Variants in IQSEC1 observed in about 807,000 individuals in gnomAD.
IQSEC1 encodes the protein IQ motif and SEC7 domain-containing protein 1.
IQSEC1 carries 31 observed loss-of-function variants against 91.0 expected under a neutral mutation model. The ratio of observed to expected loss-of-function variants is 0.34; its 90% CI spans 0.26 to 0.46. IQSEC1 has a LOEUF of 0.46. Among genes scored for constraint, IQSEC1 ranks in the 20% least tolerant of loss-of-function variants. The pLI is 1.00. For missense variants in IQSEC1, 1,388 were observed against 1,575.6 expected, an observed-to-expected ratio of 0.88 and a Z score of 2.02; for synonymous variants, 699 against 662.6, an observed-to-expected ratio of 1.05 and a Z score of -0.84.
chr3:13,002,938 A>G (rs901300650), intron 1 of IQSEC1, among the ~76,000 whole-genome samples: 1 of 152,246 alleles, frequency 6.6e-6, no homozygotes, highest in African/African-American at 2.4e-5. Context: ...AAAGTTAAAC[A>G]GAGAGTTACT....
At chr3:13,260,747 C>G (rs1695368523) in intron 1 of IQSEC1, among the ~76,000 whole-genome samples, 1 of 149,776 alleles carries the variant, frequency 6.7e-6, no homozygotes. Flanking sequence ...CTCCACAGTC[C>G]TCCTGGCAGG....
chr3:12,983,529 A>G lies in IQSEC1; in HGVS notation c.24-41664T>C, dbSNP rs1701572049. Reference sequence around the variant, plus strand: ...CTGCAGCCTGGCCTTCCTAGCCCCGAGACAGAGCGGCCAGGATGAAGTGAT... The same window carrying G: ...CTGCAGCCTGGCCTTCCTAGCCCCGGGACAGAGCGGCCAGGATGAAGTGAT... On this transcript the variant is annotated intron_variant, in intron 1 of 13. Transcript: ENST00000613206. This position sits in a 1 kb window ranked among gnomAD's most constrained non-coding sequence, Gnocchi z 4.3. Among the ~76,000 whole-genome samples, 1 of 152,104 alleles carries G rather than the reference A, an allele frequency of 6.6e-6. No homozygotes were observed. Among genetic ancestry groups the G allele is most frequent in the African/African-American group, 2.4e-5 (1 of 41,410 alleles).
intron 1 of IQSEC1, among the ~76,000 whole-genome samples, chr3:13,229,036 T>C (rs758967511): frequency 6.6e-6 from 1 of 152,100 alleles, no homozygotes; most frequent in Non-Finnish European, 1.5e-5. Flanking sequence ...CAGTATAGAT[T>C]ATGGAATAAA....
intron 1 of IQSEC1, among the ~76,000 whole-genome samples, chr3:13,060,503 C>T (rs1460042614): frequency 2.0e-5 from 3 of 152,204 alleles, no homozygotes; most frequent in African/African-American, 7.2e-5. Context: ...CATGCCCTGG[C>T]TTTCCACCGA....
At chr3:13,126,115 A>G (rs1576261776) in intron 2 of IQSEC1, among the ~76,000 whole-genome samples, 2 of 152,236 alleles carry the variant, frequency 1.3e-5, no homozygotes, top group South Asian at 2.1e-4. Flanking sequence ...AAAGTGTACA[A>G]TTTAATAAGC....
intron 2 of IQSEC1, among the ~76,000 whole-genome samples, chr3:13,114,004 C>T (rs533488228): frequency 2.0e-4 from 31 of 152,330 alleles, no homozygotes; most frequent in South Asian, 1.2e-3. Flanking sequence ...ACTCTGTTCA[C>T]GAGAAAAGAA....
Position 13,187,101 on chromosome 3 carries a change from T to A in IQSEC1, c.273-22968A>T, listed in dbSNP as rs975117339. On this transcript the variant is annotated intron_variant, in intron 1 of 15. Coordinates refer to the IQSEC1 transcript ENST00000648114. ...TGCCCATCCATCCTTCTGCCCACTA[T>A]GCATGTATCCACCCATCCACCCACA... Among the ~76,000 whole-genome samples the A allele has an allele frequency of 3.6e-4, 55 of 152,282 alleles. 1 individual carries two copies. Among genetic ancestry groups the A allele is most frequent in the African/African-American group, 1.2e-3 (49 of 41,552 alleles).
chr3:12,960,099 G>A lies in IQSEC1; in HGVS notation c.24-18234C>T, dbSNP rs565563138. Among the ~76,000 whole-genome samples, 19 of 152,282 alleles carry A rather than the reference G, an allele frequency of 1.2e-4. No homozygotes were observed. In the East Asian group the frequency reaches 3.5e-3, roughly 28 times the overall value. On this transcript the variant is annotated intron_variant, in intron 1 of 13. Coordinates refer to ENST00000613206, the MANE Select transcript of IQSEC1 (RefSeq NM_001134382.3). Reference sequence around the variant, plus strand: ...CTCACCCCATGGAAATAGCGGCACTGCAATGGTATAACGATGACGGCTGGA... The same window carrying A: ...CTCACCCCATGGAAATAGCGGCACTACAATGGTATAACGATGACGGCTGGA...
chr3:13,154,479 A>ACACAT (rs1232431148), intron 2 of IQSEC1, among the ~76,000 whole-genome samples: 2 of 131,692 alleles, frequency 1.5e-5, no homozygotes, highest in Non-Finnish European at 3.2e-5. Context: ...ATATATATGC[A>ACACAT]AAAACTGATA....
intron 1 of IQSEC1, among the ~76,000 whole-genome samples, chr3:12,981,673 A>C (rs1026246962): frequency 6.6e-6 from 1 of 152,250 alleles, no homozygotes. Flanking sequence ...AGAATTGTGA[A>C]GTATGATTGT....
intron 1 of IQSEC1, among the ~76,000 whole-genome samples, chr3:13,015,039 T>C (rs1164876429): frequency 6.6e-6 from 1 of 152,128 alleles, no homozygotes; most frequent in Non-Finnish European, 1.5e-5. Flanking sequence ...GCTCAAAGTT[T>C]ATGCACCATA....
chr3:12,975,979 G>A (rs1358759034), intron 1 of IQSEC1, among the ~76,000 whole-genome samples: 3 of 152,256 alleles, frequency 2.0e-5, no homozygotes, highest in Non-Finnish European at 2.9e-5. Context: ...CTCCTGGCTC[G>A]GCTCCCTTCT....
Position 12,908,539 on chromosome 3 carries a change from G to T in IQSEC1, c.2579-14C>A. ...TCTCGAGCTCCGCTGGAACAGAGAG[G>T]GTGAGGGTCCTGGTGAGAGGAGCAC... On this transcript the variant is annotated splice_polypyrimidine_tract_variant and intron_variant, in intron 11 of 13. Coordinates refer to ENST00000613206, the MANE Select transcript of IQSEC1 (RefSeq NM_001134382.3). This position sits in a 1 kb window ranked among gnomAD's most constrained non-coding sequence, Gnocchi z 4.9. The T allele has an allele frequency of 4.3e-6, 7 of 1,613,436 alleles. No homozygotes were observed. The highest frequency in any genetic ancestry group is 5.9e-6 in the Non-Finnish European group (7 of 1,180,002).
chr3:12,908,861 G>A lies in IQSEC1; in HGVS notation c.2579-336C>T, dbSNP rs760202030. On this transcript the variant is annotated intron_variant, in intron 11 of 13. Transcript: ENST00000613206. This position sits in a 1 kb window ranked among gnomAD's most constrained non-coding sequence, Gnocchi z 4.9. ...CTTCCACAGAGAGGGCAGTGGTAGG[G>A]AGTCCCATGTGCCTCCAAGGAGTAG... Among the ~76,000 whole-genome samples the A allele has an allele frequency of 5.9e-5, 9 of 151,946 alleles. No homozygotes were observed. Among genetic ancestry groups the A allele is most frequent in the Non-Finnish European group, 8.8e-5 (6 of 67,964 alleles).
At chr3:13,089,978 G>A (rs1419098031) in intron 2 of IQSEC1, among the ~76,000 whole-genome samples, 2 of 152,220 alleles carry the variant, frequency 1.3e-5, no homozygotes. Flanking sequence ...CACTTTGGGA[G>A]GCCAAGGCGG....
rs1479983498 is a variant in IQSEC1, at chr3:12,899,725, C to T, written c.*1258G>A. The stretch of plus-strand genomic sequence containing the variant: ...CAGAAAACAAAACGGGAAACACACA[C>T]ACCGCCCTGGGTTGCTAAACGCTAA... On this transcript the variant is annotated 3_prime_UTR_variant, in exon 14 of 14. Coordinates refer to ENST00000613206, the MANE Select transcript of IQSEC1 (RefSeq NM_001134382.3). 1.0e-6 allele frequency: 1 copy of T among 985,316 alleles called. No homozygotes were observed. The highest frequency in any genetic ancestry group is 1.2e-6 in the Non-Finnish European group (1 of 829,946). 61.0% of individuals were successfully genotyped at this position (985,316 alleles called of 1,614,324 possible). A position where few individuals can be genotyped will look rare whatever the true frequency, so the allele number is the denominator to read the frequency against.
chr3:13,042,686 TTG>T (rs1704327479), intron 1 of IQSEC1, among the ~76,000 whole-genome samples: 2 of 151,864 alleles, frequency 1.3e-5, no homozygotes, highest in South Asian at 4.1e-4. Context: ...CTGTATCAAG[TTG>T]TGGGGGCCCC....
chr3:12,900,646 G>C lies in IQSEC1; in HGVS notation c.*337C>G. ...TTCTAGGTTGGGTTTTCATATGCAT[G>C]TACATTAGGGCACAGGGAGCTGAGA... On this transcript the variant is annotated 3_prime_UTR_variant, in exon 14 of 14. Coordinates refer to ENST00000613206, the MANE Select transcript of IQSEC1 (RefSeq NM_001134382.3). 8.4e-7 allele frequency: 1 copy of C among 1,189,012 alleles called. No individual in the cohort carries two copies. The highest frequency in any genetic ancestry group is 1.0e-6 in the Non-Finnish European group (1 of 955,372). The allele number at this position is 1,189,012 out of a possible 1,614,324, so 73.7% of individuals were successfully genotyped here.
intron 2 of IQSEC1, among the ~76,000 whole-genome samples, chr3:13,154,227 C>T (rs1051797089): frequency 4.0e-5 from 6 of 151,010 alleles, no homozygotes; most frequent in Non-Finnish European, 5.9e-5. Context: ...CTAGGACCAT[C>T]CCTGGACACC....
Sources: gnomAD v4.1 joint callset for allele counts (sites outside exome capture counted in the v4.1 genomes callset) on GRCh38, gnomAD v4.1.1 for gene constraint, Gnocchi (gnomAD v3.1) non-coding constraint, MANE v1.5 for transcripts, NCBI Gene and HGNC (gene_info 2026-07-23, HGNC 2026-07-21) for gene names.